Variants in STX18 observed in about 807,000 individuals in gnomAD.
The protein encoded by STX18 is syntaxin 18, also known as syntaxin-18.
A neutral mutation model predicts 50.1 loss-of-function variants in STX18; 40 were observed. The observed-to-expected ratio is 0.80, with a 90% CI of 0.62 to 1.04. STX18 has a LOEUF of 1.04. Among genes scored for constraint, STX18 ranks in the 50% least tolerant of loss-of-function variants. The pLI is 0.00. For missense variants in STX18, 410 were observed against 415.8 expected, an observed-to-expected ratio of 0.99 and a Z score of 0.12; for synonymous variants, 158 against 151.8, an observed-to-expected ratio of 1.04 and a Z score of -0.30.
At chr4:4,455,123 T>C (rs1726996549) in intron 5 of STX18, among the ~76,000 whole-genome samples, 1 of 152,222 alleles carries the variant, frequency 6.6e-6, no homozygotes, top group South Asian at 2.1e-4. Context: ...GCTGTCTGGT[T>C]GCAGAGTCTG....
In STX18 at chr4:4,439,389, TAC is replaced by T. The variant is rs1010029421; in HGVS notation, c.498-882_498-881del. Among the ~76,000 whole-genome samples the T allele has an allele frequency of 1.0e-4, 10 of 96,316 alleles. No homozygotes were observed. The East Asian group carries it at 1.5e-3, about 14-fold the overall frequency. The allele number at this position is 96,316 out of a possible 152,430, so 63.2% of individuals were successfully genotyped here. ...CCCACTCACATATATACCCCCTACA[TAC>T]ACACACACACCATATATGTGCAGAT... On this transcript the variant is annotated intron_variant, in intron 5 of 10. Coordinates refer to ENST00000306200, the MANE Select transcript of STX18 (RefSeq NM_016930.4).
At chr4:4,439,387 C>A (rs891661551) in intron 5 of STX18, among the ~76,000 whole-genome samples, 2 of 111,612 alleles carry the variant, frequency 1.8e-5, no homozygotes, top group Non-Finnish European at 3.4e-5. Context: ...ATACCCCCTA[C>A]ATACACACAC....
chr4:4,444,655 A>G lies in STX18; in HGVS notation c.498-6146T>C, dbSNP rs893440450. ...TGATTTTAATCTGTATTCTTTCACT[A>G]TAATATACTGTAACTATGAGTATAA... On this transcript the variant is annotated intron_variant, in intron 5 of 10. Transcript: ENST00000306200. 4.6e-5 allele frequency among the ~76,000 whole-genome samples: 7 copies of G among 152,222 alleles called. No homozygotes were observed. In the East Asian group the frequency reaches 1.3e-3, roughly 29 times the overall value.
chr4:4,494,080 G>C (rs1729063661), intron 1 of STX18, among the ~76,000 whole-genome samples: 1 of 152,154 alleles, frequency 6.6e-6, no homozygotes, highest in African/African-American at 2.4e-5. Context: ...CTGGGGTCAG[G>C]TAAGCTAGGC....
chr4:4,438,659 A>C, intron 5 of STX18, 150 bp from the exon 6 acceptor site: 1 of 619,856 alleles, frequency 1.6e-6, no homozygotes, highest in Non-Finnish European at 2.8e-6. Context: ...GGCCATCCGG[A>C]CACACCTCCA....
At chr4:4,426,954 C>A (rs1213807206) in intron 7 of STX18, among the ~76,000 whole-genome samples, 1 of 152,208 alleles carries the variant, frequency 6.6e-6, no homozygotes, top group Non-Finnish European at 1.5e-5. Flanking sequence ...TCCCTCAAAA[C>A]CCCAGGCATC....
rs779206014 is a variant in STX18, at chr4:4,457,376, A to T, written c.430+47T>A. On this transcript the variant is annotated intron_variant, in intron 4 of 10. Transcript: ENST00000306200. ...CTAGCAAAGCTAAATTCTGCATCAC[A>T]TCTATTGTGAAATGTTACATTTGAC... 67 of 1,576,766 alleles carry T rather than the reference A, an allele frequency of 4.2e-5. 1 individual carries two copies. In the South Asian group the frequency reaches 6.7e-4, roughly 16 times the overall value.
chr4:4,479,944 C>T (rs1728375234), intron 1 of STX18, among the ~76,000 whole-genome samples: 4 of 152,212 alleles, frequency 2.6e-5, no homozygotes. Context: ...ATGGACTCAA[C>T]ACCAGGAACT....
chr4:4,542,025 C>G lies in STX18; in HGVS notation c.-61G>C. 2 of 1,477,352 alleles carry G rather than the reference C, an allele frequency of 1.4e-6. No individual in the cohort carries two copies. Among genetic ancestry groups the G allele is most frequent in the Non-Finnish European group, 1.8e-6 (2 of 1,111,428 alleles). 91.5% of individuals were successfully genotyped at this position (1,477,352 alleles called of 1,614,324 possible). A position where few individuals can be genotyped will look rare whatever the true frequency, so the allele number is the denominator to read the frequency against. On this transcript the variant is annotated 5_prime_UTR_variant, in exon 1 of 11. Transcript: ENST00000306200. Reference sequence around the variant, plus strand: ...CCACGTAAGCAGCCGGCGACCGCGGCGCGAACCCGGCCGCTGAAGGACTGG... The same window carrying G: ...CCACGTAAGCAGCCGGCGACCGCGGGGCGAACCCGGCCGCTGAAGGACTGG...
intron 2 of STX18, among the ~76,000 whole-genome samples, chr4:4,468,261 C>T (rs1727722434): frequency 6.6e-6 from 1 of 152,314 alleles, no homozygotes; most frequent in African/African-American, 2.4e-5. Context: ...CTCCCTTTCT[C>T]ACCATACATT....
chr4:4,528,146 C>A lies in STX18; in HGVS notation c.168+13651G>T, dbSNP rs78986872. On this transcript the variant is annotated intron_variant, in intron 1 of 10. Coordinates refer to ENST00000306200, the MANE Select transcript of STX18 (RefSeq NM_016930.4). ...GGATGCAAAGCTTCTACCCAGTTCC[C>A]AAGCCAACTCCTCTTTTCCAGCCTT... Among the ~76,000 whole-genome samples the A allele has an allele frequency of 2.9e-3, 434 of 152,218 alleles. 3 individuals carry two copies. Among genetic ancestry groups the A allele is most frequent in the African/African-American group, 0.01 (420 of 41,542 alleles).
intron 2 of STX18, among the ~76,000 whole-genome samples, chr4:4,466,224 T>A (rs1228245346): frequency 6.6e-6 from 1 of 150,638 alleles, no homozygotes; most frequent in Non-Finnish European, 1.5e-5. Context: ...GATAAATGGG[T>A]CTCTCAGGAT....
intron 1 of STX18, among the ~76,000 whole-genome samples, chr4:4,492,819 GTGTGCAT>G (rs1449826781): frequency 6.6e-6 from 1 of 152,136 alleles, no homozygotes; most frequent in African/African-American, 2.4e-5. Flanking sequence ...TGAAAAAAAT[GTGTGCAT>G]TTAAGAGATG....
chr4:4,432,871 C>T (rs186489941), intron 7 of STX18, among the ~76,000 whole-genome samples: 23 of 152,382 alleles, frequency 1.5e-4, no homozygotes, highest in African/African-American at 4.3e-4. Context: ...CCAATGCTCA[C>T]GAGAGCAGAC....
intron 1 of STX18, among the ~76,000 whole-genome samples, chr4:4,517,756 CCTTTAT>C (rs375589027): frequency 6.6e-6 from 1 of 151,776 alleles, no homozygotes; most frequent in African/African-American, 2.4e-5. Context: ...ATCATCATTC[CCTTTAT>C]AAGTGTTTTT....
At chr4:4,505,554 C>T (rs780152146) in intron 1 of STX18, among the ~76,000 whole-genome samples, 6 of 151,570 alleles carry the variant, frequency 4.0e-5, no homozygotes, top group South Asian at 2.1e-4. Context: ...CCGAGGCAGG[C>T]GGATCACTTG....
At chr4:4,424,606 G>A (rs1725149568) in intron 8 of STX18, among the ~76,000 whole-genome samples, 1 of 152,106 alleles carries the variant, frequency 6.6e-6, no homozygotes, top group African/African-American at 2.4e-5. Flanking sequence ...TTTTATTTGG[G>A]GGACATGTCC....
intron 1 of STX18, chr4:4,499,593 T>C (rs1729340952): frequency 1.1e-6 from 1 of 928,848 alleles, no homozygotes. Context: ...CTGACTGGCT[T>C]CTACACAAAC....
At chr4:4,475,705 T>C (rs1728141479) in intron 1 of STX18, among the ~76,000 whole-genome samples, 1 of 152,232 alleles carries the variant, frequency 6.6e-6, no homozygotes, top group African/African-American at 2.4e-5. Context: ...AAAGACCGCA[T>C]ATTATAGCGC....
Sources: gnomAD v4.1 joint callset for allele counts (sites outside exome capture counted in the v4.1 genomes callset) on GRCh38, gnomAD v4.1.1 for gene constraint, MANE v1.5 for transcripts, NCBI Gene and HGNC (gene_info 2026-07-23, HGNC 2026-07-21) for gene names.